Variants in YARS1 observed in about 807,000 individuals in gnomAD.
YARS1 encodes the protein tyrosine--tRNA ligase, cytoplasmic.
A neutral mutation model predicts 62.2 loss-of-function variants in YARS1; 36 were observed. The observed-to-expected ratio is 0.58, with a 90% CI of 0.44 to 0.76. The LOEUF is 0.76. Among genes scored for constraint, YARS1 ranks in the 30% least tolerant of loss-of-function variants. The probability of loss-of-function intolerance (pLI) is 0.00; values close to 1 mark genes in which losing one functional copy is unlikely to be tolerated. For synonymous variants in YARS1, 234 were observed against 244.9 expected (o/e 0.96, Z 0.42); for missense variants, 524 against 639.8 (o/e 0.82, Z 1.95).
chr1:32,783,166 T>C (rs907834131), intron 8 of YARS1: 1 of 154,570 alleles, frequency 6.5e-6, no homozygotes, highest in Admixed American at 6.4e-5. Flanking sequence ...AGTGTTGGCT[T>C]TGTTACTTAT....
chr1:32,816,884 C>T (rs1351155259), intron 1 of YARS1: 3 of 555,748 alleles, frequency 5.4e-6, no homozygotes, highest in Non-Finnish European at 3.2e-6. Context: ...TTGACGTATC[C>T]CCAGCGACTA....
chr1:32,775,867 C>T lies in YARS1; in HGVS notation c.*114G>A, dbSNP rs1387927529. On this transcript the variant is annotated 3_prime_UTR_variant, in exon 13 of 13. Coordinates refer to ENST00000373477, the MANE Select transcript of YARS1 (RefSeq NM_003680.4). ...CCGAGTTCTGCACCGAATAAAGAGT[C>T]CAAACCCGCTGCTTCCGTGTCCTGA... The T allele has an allele frequency of 2.0e-6, 2 of 1,001,304 alleles. No individual in the cohort carries two copies. The highest frequency in any genetic ancestry group is 1.6e-5 in the African/African-American group (1 of 62,464). The allele number at this position is 1,001,304 out of a possible 1,614,324, so 62.0% of individuals were successfully genotyped here. A position where few individuals can be genotyped will look rare whatever the true frequency, so the allele number is the denominator to read the frequency against.
intron 4 of YARS1, among the ~76,000 whole-genome samples, chr1:32,803,285 T>C (rs1638350528): frequency 6.8e-6 from 1 of 147,430 alleles, no homozygotes; most frequent in Non-Finnish European, 1.5e-5. Context: ...GCCTAATTCT[T>C]CTTTTTTTTT....
At chr1:32,778,081 ACT>A (rs1351856900) in intron 12 of YARS1, among the ~76,000 whole-genome samples, 42 of 152,088 alleles carry the variant, frequency 2.8e-4, no homozygotes, top group Non-Finnish European at 1.5e-4. Flanking sequence ...AGTAGAAATG[ACT>A]CTCAGTGTCC....
At position 32,791,145 on chromosome 1, in the gene YARS1, C is replaced by G. The variant is rs748268480; in HGVS notation, c.684+17G>C. On this transcript the variant is annotated intron_variant, in intron 6 of 12. Coordinates refer to ENST00000373477, the MANE Select transcript of YARS1 (RefSeq NM_003680.4). The stretch of plus-strand genomic sequence containing the variant: ...AGGCTGAAGATTTCTAAATTCAAGT[C>G]TCAGCTGGCAACTTACCTCTTCTGA... 18 of 1,609,120 alleles carry G rather than the reference C, an allele frequency of 1.1e-5. No individual in the cohort carries two copies. The South Asian group carries it at 1.5e-4, about 14-fold the overall frequency.
chr1:32,806,650 GCCTAGGC>G, intron 3 of YARS1, 39 bp from the exon 4 acceptor site: 1 of 1,613,894 alleles, frequency 6.2e-7, no homozygotes, highest in Non-Finnish European at 8.5e-7. Context: ...GTAAACCTGG[GCCTAGGC>G]CTCAGTTTCC....
At chr1:32,812,537 G>C (rs1287436444) in intron 1 of YARS1, among the ~76,000 whole-genome samples, 1 of 152,184 alleles carries the variant, frequency 6.6e-6, no homozygotes, top group Non-Finnish European at 1.5e-5. Context: ...CTTGTGGGGG[G>C]AAATTTGCAT....
In YARS1 at chr1:32,816,132, T is replaced by G. The variant is rs866033996; in HGVS notation, c.57+1056A>C. 3.6e-4 allele frequency among the ~76,000 whole-genome samples: 51 copies of G among 143,380 alleles called. No homozygotes were observed. In the South Asian group the frequency reaches 0.011, roughly 31 times the overall value. The allele number at this position is 143,380 out of a possible 152,430, so 94.1% of individuals were successfully genotyped here. Reference sequence around the variant, plus strand: ...TCAAAAAAAAAAAAAAAAAAAAAGATAGTGTGATGGTTGCACAACCTTGTG... The same window carrying G: ...TCAAAAAAAAAAAAAAAAAAAAAGAGAGTGTGATGGTTGCACAACCTTGTG... On this transcript the variant is annotated intron_variant, in intron 1 of 12. Coordinates refer to ENST00000373477, the MANE Select transcript of YARS1 (RefSeq NM_003680.4).
Position 32,776,915 on chromosome 1 carries a change from C to T in YARS1, c.1477-824G>A, listed in dbSNP as rs969475552. On this transcript the variant is annotated intron_variant, in intron 12 of 12. Coordinates refer to ENST00000373477, the MANE Select transcript of YARS1 (RefSeq NM_003680.4). The surrounding 1 kb of genome is among the most constrained non-coding windows in gnomAD (Gnocchi z 4.0). ...CTGAGAGGAGGAGGTTGTGGCGGGC[C>T]GAGATCACGCCACCACACTCCAGCC... Among the ~76,000 whole-genome samples the T allele has an allele frequency of 4.6e-5, 7 of 151,760 alleles. No individual in the cohort carries two copies. Among genetic ancestry groups the T allele is most frequent in the African/African-American group, 1.4e-4 (6 of 41,416 alleles).
At chr1:32,813,824 CAGTG>C (rs1191989370) in intron 1 of YARS1, among the ~76,000 whole-genome samples, 2 of 152,314 alleles carry the variant, frequency 1.3e-5, no homozygotes, top group African/African-American at 4.8e-5. Flanking sequence ...TTGCTAAATT[CAGTG>C]AGTATTTTTT....
intron 5 of YARS1, among the ~76,000 whole-genome samples, chr1:32,791,953 G>C (rs35381223): frequency 0.058 from 8,900 of 152,146 alleles, 398 homozygotes; most frequent in African/African-American, 0.12. Flanking sequence ...GATAAAAAGA[G>C]ACCAAGCAGA....
chr1:32,793,206 T>C (rs1446836913), intron 5 of YARS1, among the ~76,000 whole-genome samples: 1 of 152,064 alleles, frequency 6.6e-6, no homozygotes, highest in Non-Finnish European at 1.5e-5. Flanking sequence ...ATAAAGTCCC[T>C]AGAGGAGAAA....
chr1:32,775,875 G>T lies in YARS1; in HGVS notation c.*106C>A. The T allele has an allele frequency of 9.3e-7, 1 of 1,076,496 alleles. No individual in the cohort carries two copies. The highest frequency in any genetic ancestry group is 1.4e-6 in the Non-Finnish European group (1 of 709,596). The allele number at this position is 1,076,496 out of a possible 1,614,324, so 66.7% of individuals were successfully genotyped here. On this transcript the variant is annotated 3_prime_UTR_variant, in exon 13 of 13. Transcript: ENST00000373477. Reference sequence around the variant, plus strand: ...TGCACCGAATAAAGAGTCCAAACCCGCTGCTTCCGTGTCCTGAGAGATGGG... The same window carrying T: ...TGCACCGAATAAAGAGTCCAAACCCTCTGCTTCCGTGTCCTGAGAGATGGG...
chr1:32,809,118 ACT>A (rs1315827645), intron 3 of YARS1, among the ~76,000 whole-genome samples: 1 of 150,064 alleles, frequency 6.7e-6, no homozygotes, highest in Non-Finnish European at 1.5e-5. Flanking sequence ...ATGGAGTCTC[ACT>A]CTGTTGCCCA....
At chr1:32,809,802 G>C (rs754847277) in intron 3 of YARS1, among the ~76,000 whole-genome samples, 1 of 152,194 alleles carries the variant, frequency 6.6e-6, no homozygotes, top group Non-Finnish European at 1.5e-5. Flanking sequence ...ATGCATATCT[G>C]AGGTTAAGAA....
At chr1:32,780,030 C>G in intron 11 of YARS1, 55 bp downstream of exon 11, 1 of 1,604,480 alleles carries the variant, frequency 6.2e-7, no homozygotes. Flanking sequence ...TGGGCTGATT[C>G]CCTACTCTTC....
intron 10 of YARS1, 146 bp downstream of exon 10, chr1:32,780,902 T>C (rs1653032335): frequency 1.3e-6 from 1 of 759,118 alleles, no homozygotes; most frequent in Non-Finnish European, 2.3e-6. Flanking sequence ...ACAGAAAGCC[T>C]GATGCCTGGA....
At chr1:32,812,970 A>G (rs1003876984) in intron 1 of YARS1, among the ~76,000 whole-genome samples, 1 of 58,576 alleles carries the variant, frequency 1.7e-5, no homozygotes, top group Non-Finnish European at 3.4e-5. Flanking sequence ...CTCTGTCTCC[A>G]AAAAAAAAAA....
At chr1:32,816,421 G>C (rs1466273269) in intron 1 of YARS1, among the ~76,000 whole-genome samples, 4 of 152,192 alleles carry the variant, frequency 2.6e-5, no homozygotes, top group Non-Finnish European at 5.9e-5. Flanking sequence ...GCAAGGTATG[G>C]GGCAGTTCTG....
Sources: allele counts gnomAD v4.1 joint callset (sites outside exome capture counted in the v4.1 genomes callset), GRCh38; gene constraint gnomAD v4.1.1; non-coding constraint Gnocchi (gnomAD v3.1); transcripts MANE v1.5; gene names NCBI Gene and HGNC (gene_info 2026-07-23, HGNC 2026-07-21).